ZFPM2: variants seen among roughly 807,000 people sequenced by gnomAD.
ZFPM2 encodes the protein zinc finger protein ZFPM2.
ZFPM2 carries 20 observed loss-of-function variants against 98.6 expected under a neutral mutation model. The ratio of observed to expected loss-of-function variants is 0.20; its 90% CI spans 0.14 to 0.29. The LOEUF (loss-of-function observed/expected upper bound fraction) is 0.29. Ranked by LOEUF, ZFPM2 falls within the 10% of genes least tolerant of loss-of-function variation. ZFPM2 has a pLI of 1.00. For missense variants in ZFPM2, 1,310 were observed against 1,388.6 expected, an observed-to-expected ratio of 0.94 and a Z score of 0.90; for synonymous variants, 518 against 502.7, an observed-to-expected ratio of 1.03 and a Z score of -0.41.
At chr8:105,712,159 C>CAA (rs200584546) in intron 5 of ZFPM2, among the ~76,000 whole-genome samples, 2 of 151,248 alleles carry the variant, frequency 1.3e-5, no homozygotes, top group African/African-American at 4.9e-5. Flanking sequence ...GTTGTTGAAA[C>CAA]AAAAAAAGAT....
chr8:105,498,146 T>G (rs1299685692), intron 3 of ZFPM2, among the ~76,000 whole-genome samples: 1 of 151,926 alleles, frequency 6.6e-6, no homozygotes, highest in African/African-American at 2.4e-5. Flanking sequence ...TGCAATGAGC[T>G]TTGATCATAC....
At chr8:105,724,172 A>G (rs189112888) in intron 5 of ZFPM2, among the ~76,000 whole-genome samples, 105 of 151,998 alleles carry the variant, frequency 6.9e-4, no homozygotes, top group African/African-American at 2.4e-3. Context: ...TAAAACCTGT[A>G]TTTTTAATAT....
chr8:105,347,925 TA>T (rs1250225641), intron 1 of ZFPM2, among the ~76,000 whole-genome samples: 3 of 152,184 alleles, frequency 2.0e-5, no homozygotes, highest in Non-Finnish European at 4.4e-5. Context: ...CTCAAGGCTT[TA>T]AAGGTTGTGT....
chr8:105,576,147 C>A (rs1471828477), intron 4 of ZFPM2, among the ~76,000 whole-genome samples: 1 of 152,144 alleles, frequency 6.6e-6, no homozygotes, highest in Non-Finnish European at 1.5e-5. Context: ...CAAAATAGAA[C>A]CACTATCTTA....
intron 3 of ZFPM2, among the ~76,000 whole-genome samples, chr8:105,478,649 C>T (rs1813057289): frequency 6.6e-6 from 1 of 152,184 alleles, no homozygotes; most frequent in Non-Finnish European, 1.5e-5. Flanking sequence ...AGTGTTAGTA[C>T]TGGGAAGTAC....
chr8:105,620,973 C>T (rs1816528364), intron 4 of ZFPM2, among the ~76,000 whole-genome samples: 1 of 152,114 alleles, frequency 6.6e-6, no homozygotes, highest in South Asian at 2.1e-4. Flanking sequence ...CGTGATGCCT[C>T]CAGCTTTGTT....
Position 105,597,237 on chromosome 8 carries a change from G to A in ZFPM2, c.420+35756G>A, listed in dbSNP as rs555958508. Among the ~76,000 whole-genome samples, 8 of 152,092 alleles carry A rather than the reference G, an allele frequency of 5.3e-5. No individual in the cohort carries two copies. The East Asian group carries it at 7.7e-4, about 15-fold the overall frequency. ...ATAAATCTTTGAATTGGCAGGAGTC[G>A]ACATGGTCAGTTTTTAAAATGCTAT... On this transcript the variant is annotated intron_variant, in intron 4 of 7. Coordinates refer to ENST00000407775, the MANE Select transcript of ZFPM2 (RefSeq NM_012082.4).
At chr8:105,554,800 T>C (rs1036375032) in intron 3 of ZFPM2, among the ~76,000 whole-genome samples, 13 of 152,254 alleles carry the variant, frequency 8.5e-5, no homozygotes, top group East Asian at 5.8e-4. Flanking sequence ...TGAATTCAGG[T>C]GAAGCATGAT....
intron 1 of ZFPM2, among the ~76,000 whole-genome samples, chr8:105,400,822 T>C (rs1248889145): frequency 1.3e-5 from 2 of 152,050 alleles, no homozygotes; most frequent in South Asian, 4.1e-4. Context: ...ATTCTGTCTC[T>C]CAATCTCATT....
intron 1 of ZFPM2, among the ~76,000 whole-genome samples, chr8:105,366,700 T>G (rs929350361): frequency 8.0e-6 from 1 of 125,652 alleles, no homozygotes; most frequent in African/African-American, 3.0e-5. Context: ...CCCCAGAGTG[T>G]GATATTCCCC....
intron 5 of ZFPM2, among the ~76,000 whole-genome samples, chr8:105,786,363 T>C (rs553738644): frequency 6.6e-6 from 1 of 152,334 alleles, no homozygotes; most frequent in African/African-American, 2.4e-5. Flanking sequence ...TATATTTGCA[T>C]ATATGTGTGT....
intron 7 of ZFPM2, 44 bp downstream of exon 7, chr8:105,798,992 T>C (rs368387839): frequency 1.6e-4 from 244 of 1,521,316 alleles, no homozygotes; most frequent in Non-Finnish European, 2.1e-4. Context: ...GAAGACTCTG[T>C]TATTTTTATA....
chr8:105,689,520 A>G (rs1381013553), intron 5 of ZFPM2, among the ~76,000 whole-genome samples: 2 of 152,188 alleles, frequency 1.3e-5, no homozygotes, highest in East Asian at 1.9e-4. Flanking sequence ...CTGGGTTATT[A>G]TAACTTGGTT....
At chr8:105,591,672 A>T (rs938853590) in intron 4 of ZFPM2, among the ~76,000 whole-genome samples, 5 of 152,172 alleles carry the variant, frequency 3.3e-5, no homozygotes, top group Admixed American at 3.3e-4. Context: ...TCATATTCAT[A>T]TTGCTGAGTA....
intron 4 of ZFPM2, among the ~76,000 whole-genome samples, chr8:105,566,077 T>A (rs188346947): frequency 1.3e-5 from 2 of 152,270 alleles, no homozygotes; most frequent in Admixed American, 1.3e-4. Flanking sequence ...CTATTCGGGC[T>A]TTCAGTTGAT....
chr8:105,762,826 A>G (rs561856453), intron 5 of ZFPM2, among the ~76,000 whole-genome samples: 2 of 151,974 alleles, frequency 1.3e-5, no homozygotes, highest in African/African-American at 4.8e-5. Context: ...ACATGATATA[A>G]TCTTTAACCT....
rs538975618 is a variant in ZFPM2 at position 105,743,519 on chromosome 8, C to T, written c.533-45199C>T. 3.3e-5 allele frequency among the ~76,000 whole-genome samples: 5 copies of T among 152,088 alleles called. No homozygotes were observed. In the East Asian group the frequency reaches 9.7e-4, roughly 30 times the overall value. ...ATGCAGGGGTGCAGGGTCCTGATCTCTTCACTCCTCTATGGATAATATGGA... is the reference window on the plus strand; with the variant it reads ...ATGCAGGGGTGCAGGGTCCTGATCTTTTCACTCCTCTATGGATAATATGGA... On this transcript the variant is annotated intron_variant, in intron 5 of 7. Transcript: ENST00000407775.
At chr8:105,702,638 T>G (rs1488643471) in intron 5 of ZFPM2, among the ~76,000 whole-genome samples, 3 of 152,182 alleles carry the variant, frequency 2.0e-5, no homozygotes. Context: ...GTGTGGTAAA[T>G]AAAGAAATTG....
intron 2 of ZFPM2, among the ~76,000 whole-genome samples, chr8:105,423,732 A>C (rs570558188): frequency 3.1e-4 from 47 of 152,322 alleles, no homozygotes; most frequent in Admixed American, 2.7e-3. Context: ...ACAGAAATAT[A>C]GGTGGTCTGG....
Sources: allele counts gnomAD v4.1 joint callset (sites outside exome capture counted in the v4.1 genomes callset), GRCh38; gene constraint gnomAD v4.1.1; transcripts MANE v1.5; gene names NCBI Gene and HGNC (gene_info 2026-07-23, HGNC 2026-07-21).